RNASE3: variants seen among roughly 807,000 people sequenced by gnomAD.
RNASE3 encodes ribonuclease A family member 3.
For synonymous variants in RNASE3, 66 were observed against 72.0 expected, an observed-to-expected ratio of 0.92 and a Z score of 0.42; for missense variants, 192 against 205.3, an observed-to-expected ratio of 0.94 and a Z score of 0.40.
chr14:20,891,650 G>A (rs1370347103), intron 1 of RNASE3, 32 bp from the exon 2 acceptor site: 3 of 1,586,940 alleles, frequency 1.9e-6, no homozygotes, highest in South Asian at 2.3e-5. Context: ...AGACCGGATC[G>A]GGGAGTAGTT....
At position 20,891,400 on chromosome 14, in the gene RNASE3, C is replaced by T. The variant is rs1877549876; in HGVS notation, c.-57C>T. 2.2e-6 allele frequency: 1 copy of T among 457,818 alleles called. No homozygotes were observed. Among genetic ancestry groups the T allele is most frequent in the South Asian group, 3.4e-5 (1 of 29,080 alleles). The allele number at this position is 457,818 out of a possible 1,614,324, so 28.4% of individuals were successfully genotyped here. On this transcript the variant is annotated 5_prime_UTR_variant, in exon 1 of 2. Transcript: ENST00000304639. ...AGGGGAGACCAGCTGCCCCTGAACC[C>T]CAGAACAACCAGCTGGATCAGTTCT...
Position 20,891,715 on chromosome 14 carries a change from T to C in RNASE3, c.29T>C (p.Ile10Thr). 6.2e-7 allele frequency: 1 copy of C among 1,611,244 alleles called. No homozygotes were observed. Among genetic ancestry groups the C allele is most frequent in the South Asian group, 1.1e-5 (1 of 90,742 alleles). The change falls in exon 2 of 2, where the codon ATT becomes ACT. Residue 10 changes from isoleucine (I) to threonine (T), a missense_variant. Transcript: ENST00000304639. MVPKLFTSQICLLLLLGLMG... is the reference protein window; with the variant it reads MVPKLFTSQTCLLLLLGLMG... ...GTTCCAAAACTGTTCACTTCCCAAA[T>C]TTGTCTGCTTCTTCTGTTGGGGCTT...
In RNASE3 at chr14:20,892,301, G is replaced by A. The variant is rs1473904757; in HGVS notation, c.*132G>A. On this transcript the variant is annotated 3_prime_UTR_variant, in exon 2 of 2. Coordinates refer to ENST00000304639, the MANE Select transcript of RNASE3 (RefSeq NM_002935.3). ...GTCTCCATACCCCTTCAGCTTTCCT[G>A]AGCTGAAGTCCCTTGTGAACCCTGC... 1 of 1,260,912 alleles carries A rather than the reference G, an allele frequency of 7.9e-7. No individual in the cohort carries two copies. The highest frequency in any genetic ancestry group is 2.3e-5 in the Admixed American group (1 of 43,476). 78.1% of individuals were successfully genotyped at this position (1,260,912 alleles called of 1,614,324 possible). A position where few individuals can be genotyped will look rare whatever the true frequency, so the allele number is the denominator to read the frequency against.
intron 1 of RNASE3, 67 bp downstream of exon 1, chr14:20,891,518 G>A (rs1566402062): frequency 3.4e-6 from 3 of 890,532 alleles, no homozygotes; most frequent in Admixed American, 2.5e-5. Flanking sequence ...AGGGAGAGGT[G>A]AGCTGAAGTT....
chr14:20,892,125 C>G lies in RNASE3; in HGVS notation c.439C>G (p.Pro147Ala). 1 of 1,612,440 alleles carries G rather than the reference C, an allele frequency of 6.2e-7. No homozygotes were observed. The highest frequency in any genetic ancestry group is 8.5e-7 in the Non-Finnish European group (1 of 1,179,934). Residue 147 changes from proline to alanine, a missense_variant, in exon 2 of 2, where the codon CCA becomes GCA. Coordinates refer to ENST00000304639, the MANE Select transcript of RNASE3 (RefSeq NM_002935.3). Reference sequence around the variant, plus strand: ...TGACAACAGAGATCCACGGGATTCTCCACGGTATCCTGTGGTTCCAGTTCA... The same window carrying G: ...TGACAACAGAGATCCACGGGATTCTGCACGGTATCCTGTGGTTCCAGTTCA... ...ACDNRDPRDS[P>A]RYPVVPVHLD...
At chr14:20,891,498 G>T in intron 1 of RNASE3, 47 bp downstream of exon 1, 1 of 737,700 alleles carries the variant, frequency 1.4e-6, no homozygotes, top group Non-Finnish European at 2.2e-6. Context: ...CAGCGACAGG[G>T]CAGCACCTGA....
Position 20,892,254 on chromosome 14 carries a change from G to C in RNASE3, c.*85G>C, listed in dbSNP as rs1310331551. On this transcript the variant is annotated 3_prime_UTR_variant, in exon 2 of 2. Coordinates refer to ENST00000304639, the MANE Select transcript of RNASE3 (RefSeq NM_002935.3). ...GATCCCATCCCTCCATGTACTCTGG[G>C]TATCAGCAACTGTCCTCATCAGTCT... 51 of 1,527,860 alleles carry C rather than the reference G, an allele frequency of 3.3e-5. No individual in the cohort carries two copies. The highest frequency in any genetic ancestry group is 4.5e-5 in the Non-Finnish European group (51 of 1,137,042). The allele number at this position is 1,527,860 out of a possible 1,614,324, so 94.6% of individuals were successfully genotyped here.
In RNASE3 at chr14:20,891,797, G is replaced by A. The variant is rs1877564070; in HGVS notation, c.111G>A (p.Trp37Ter). The change falls in exon 2 of 2, where the codon TGG (tryptophan) becomes TGA (stop). Residue 37 changes from tryptophan to a stop codon, truncating the protein, a stop_gained. Coordinates refer to ENST00000304639, the MANE Select transcript of RNASE3 (RefSeq NM_002935.3). LOFTEE classifies it low-confidence loss of function (END_TRUNC). ...ARPPQFTRAQ[W>*]FAIQHISLNP... is the part of the protein sequence containing the mutation. ...CCCCACAGTTTACGAGGGCTCAGTG[G>A]TTTGCCATCCAGCACATCAGTCTGA... 1 of 1,612,710 alleles carries A rather than the reference G, an allele frequency of 6.2e-7. No individual in the cohort carries two copies. Among genetic ancestry groups the A allele is most frequent in the African/African-American group, 1.4e-5 (1 of 73,666 alleles).
intron 1 of RNASE3, 46 bp downstream of exon 1, chr14:20,891,497 G>A (rs1877554419): frequency 1.4e-6 from 1 of 732,312 alleles, no homozygotes; most frequent in South Asian, 1.9e-5. Flanking sequence ...GCAGCGACAG[G>A]GCAGCACCTG....
At position 20,892,326 on chromosome 14, in the gene RNASE3, C is replaced by A; in HGVS notation, c.*157C>A. 2.0e-6 allele frequency: 2 copies of A among 998,278 alleles called. No homozygotes were observed. The highest frequency in any genetic ancestry group is 1.7e-5 in the African/African-American group (1 of 59,474). The allele number at this position is 998,278 out of a possible 1,614,324, so 61.8% of individuals were successfully genotyped here. On this transcript the variant is annotated 3_prime_UTR_variant, in exon 2 of 2. Transcript: ENST00000304639. ...GAGCTGAAGTCCCTTGTGAACCCTGCAATAAACTGCTTTGCAAATTCATCT... is the reference window on the plus strand; with the variant it reads ...GAGCTGAAGTCCCTTGTGAACCCTGAAATAAACTGCTTTGCAAATTCATCT...
chr14:20,891,765 G>T lies in RNASE3; in HGVS notation c.79G>T (p.Ala27Ser). The stretch of plus-strand genomic sequence containing the variant: ...TATGGGTGTGGAGGGCTCACTCCAT[G>T]CCAGACCCCCACAGTTTACGAGGGC... ...GLMGVEGSLH[A>S]RPPQFTRAQW... The change falls in exon 2 of 2, where the codon GCC (alanine) becomes TCC (serine). Residue 27 changes from alanine to serine, a missense_variant. Ala to Ser is a moderately conservative substitution (Grantham distance 99). Coordinates refer to ENST00000304639, the MANE Select transcript of RNASE3 (RefSeq NM_002935.3). 1 of 1,612,734 alleles carries T rather than the reference G, an allele frequency of 6.2e-7. No homozygotes were observed. Among genetic ancestry groups the T allele is most frequent in the Non-Finnish European group, 8.5e-7 (1 of 1,180,010 alleles).
Position 20,892,190 on chromosome 14 carries a change from C to T in RNASE3, c.*21C>T, listed in dbSNP as rs371338819. On this transcript the variant is annotated 3_prime_UTR_variant, in exon 2 of 2. Transcript: ENST00000304639. ...TCTAAGCTCCTGTATCAGCAGTCCT[C>T]ATCATCACTCATCTGCCAAGCTCCT... The T allele has an allele frequency of 1.9e-6, 3 of 1,587,380 alleles. 1 individual carries two copies. The highest frequency in any genetic ancestry group is 2.6e-6 in the Non-Finnish European group (3 of 1,168,328).
Position 20,891,942 on chromosome 14 carries a change from A to C in RNASE3, c.256A>C (p.Ser86Arg). The C allele has an allele frequency of 1.2e-6, 2 of 1,613,058 alleles. No homozygotes were observed. Among genetic ancestry groups the C allele is most frequent in the Non-Finnish European group, 1.7e-6 (2 of 1,180,014 alleles). Reference protein sequence around the residue: ...ANVVNVCGNQSIRCPHNRTLN... With the variant: ...ANVVNVCGNQRIRCPHNRTLN... ...TGTAGTTAATGTTTGTGGTAACCAAAGTATACGCTGCCCTCATAACAGAAC... is the reference window on the plus strand; with the variant it reads ...TGTAGTTAATGTTTGTGGTAACCAACGTATACGCTGCCCTCATAACAGAAC... Residue 86 changes from serine (S) to arginine (R), a missense_variant, in exon 2 of 2, where the codon AGT becomes CGT. Physicochemically the swap from Ser to Arg is moderately radical, Grantham distance 110. Transcript: ENST00000304639.
chr14:20,891,590 G>C, intron 1 of RNASE3, 92 bp from the exon 2 acceptor site: 1 of 1,487,382 alleles, frequency 6.7e-7, no homozygotes, highest in Non-Finnish European at 9.0e-7. Flanking sequence ...ACCCCAGAGT[G>C]GCAGCAGAGG....
In RNASE3 at chr14:20,891,922, T is replaced by A. The variant is rs1433020756; in HGVS notation, c.236T>A (p.Val79Asp). The A allele has an allele frequency of 6.2e-7, 1 of 1,612,970 alleles. No individual in the cohort carries two copies. Among genetic ancestry groups the A allele is most frequent in the Admixed American group, 1.7e-5 (1 of 60,000 alleles). Residue 79 changes from valine (V) to aspartate (D), a missense_variant, in exon 2 of 2, where the codon GTT (valine) becomes GAT (aspartate). Transcript: ENST00000304639. ...TFLRTTFANV[V>D]NVCGNQSIRC... Reference sequence around the variant, plus strand: ...CTTCGTACAACTTTTGCTAATGTAGTTAATGTTTGTGGTAACCAAAGTATA... The same window carrying A: ...CTTCGTACAACTTTTGCTAATGTAGATAATGTTTGTGGTAACCAAAGTATA...
chr14:20,891,577 G>C, intron 1 of RNASE3, 105 bp from the exon 2 acceptor site: 1 of 1,449,902 alleles, frequency 6.9e-7, no homozygotes, highest in Middle Eastern at 2.6e-4. Flanking sequence ...AAAAGGAAAT[G>C]CGACCCCAGA....
chr14:20,891,502 C>T, intron 1 of RNASE3, 51 bp downstream of exon 1: 2 of 761,156 alleles, frequency 2.6e-6, no homozygotes, highest in Non-Finnish European at 4.2e-6. Flanking sequence ...GACAGGGCAG[C>T]ACCTGAGGGA....
chr14:20,892,345 T>C lies in RNASE3; in HGVS notation c.*176T>C. The C allele has an allele frequency of 1.2e-6, 1 of 830,436 alleles. No homozygotes were observed. Among genetic ancestry groups the C allele is most frequent in the Non-Finnish European group, 1.9e-6 (1 of 520,586 alleles). The allele number at this position is 830,436 out of a possible 1,614,324, so 51.4% of individuals were successfully genotyped here. On this transcript the variant is annotated 3_prime_UTR_variant, in exon 2 of 2. Transcript: ENST00000304639. The stretch of plus-strand genomic sequence containing the variant: ...ACCCTGCAATAAACTGCTTTGCAAA[T>C]TCATCTGGAAGTGTCTGTGTGTCTT...
In RNASE3 at chr14:20,891,439, G is replaced by C; in HGVS notation, c.-18G>C. The C allele has an allele frequency of 3.6e-6, 2 of 556,388 alleles. No homozygotes were observed. Among genetic ancestry groups the C allele is most frequent in the Admixed American group, 3.4e-5 (1 of 29,248 alleles). 34.5% of individuals were successfully genotyped at this position (556,388 alleles called of 1,614,324 possible). ...TGGATCAGTTCTCACAGGAGCCACA[G>C]CTCAGAGACTGGGTAAGTCAACAAT... On this transcript the variant is annotated 5_prime_UTR_variant, in exon 1 of 2. Coordinates refer to ENST00000304639, the MANE Select transcript of RNASE3 (RefSeq NM_002935.3).
Sources: gnomAD v4.1 joint callset for allele counts on GRCh38, gnomAD v4.1.1 for gene constraint, MANE v1.5 for transcripts, NCBI Gene and HGNC (gene_info 2026-07-23, HGNC 2026-07-21) for gene names.